DMD: variants seen among roughly 807,000 people sequenced by gnomAD.
DMD encodes dystrophin.
In DMD, 63 loss-of-function variants were observed where a neutral mutation model predicts 330.1. The ratio of observed to expected loss-of-function variants is 0.19; its 90% CI spans 0.16 to 0.24. The LOEUF is 0.24. Among genes scored for constraint, DMD ranks in the 10% least tolerant of loss-of-function variants. DMD has a pLI of 1.00. For synonymous variants in DMD, 1,223 were observed against 959.8 expected (o/e 1.27, Z -5.07); for missense variants, 3,344 against 2,684.1 (o/e 1.25, Z -5.43).
chrX:32,847,386 A>G (rs1407454827), intron 3 of DMD, among the ~76,000 whole-genome samples: 9 of 112,086 alleles, frequency 8.0e-5, no homozygotes, highest in Non-Finnish European at 3.8e-5. Flanking sequence ...TTGTAAGGCA[A>G]GTACCTTCCT....
chrX:31,199,500 G>A (rs756825347), intron 67 of DMD, among the ~76,000 whole-genome samples: 36 of 112,275 alleles, frequency 3.2e-4, no homozygotes, highest in African/African-American at 1.1e-3. Context: ...AAGACCTATA[G>A]TGATTTTTAA....
At chrX:31,311,850 T>G (rs1048314777) in intron 62 of DMD, among the ~76,000 whole-genome samples, 3 of 111,360 alleles carry the variant, frequency 2.7e-5, no homozygotes, top group Non-Finnish European at 5.7e-5. Context: ...AAACAAGCAA[T>G]GGGGAAAGGA....
chrX:31,478,128 T>G lies in DMD; in HGVS notation c.8915A>C (p.Gln2972Pro). 1.7e-6 allele frequency: 2 copies of G among 1,210,956 alleles called. No individual in the cohort carries two copies. The highest frequency in any genetic ancestry group is 1.7e-5 in the African/African-American group (1 of 57,787). ...PVGDLLIDSL[Q>P]DHLEKVKALR... ...TACCTTGACTTTCTCGAGGTGATCT[T>G]GGAGAGAGTCAATGAGGAGATCGCC... Residue 2972 changes from glutamine to proline, a missense_variant, in exon 59 of 79, where the codon CAA (glutamine) becomes CCA (proline). Transcript: ENST00000357033.
chrX:32,969,027 C>CAAAAAAAAA (rs142087164), intron 2 of DMD, among the ~76,000 whole-genome samples: 14 of 19,821 alleles, frequency 7.1e-4, no homozygotes, highest in East Asian at 2.1e-3. Flanking sequence ...GATTCTGTCT[C>CAAAAAAAAA]AAAAAAAAAA....
chrX:31,178,191 G>A (rs2040747928), intron 70 of DMD: 1 of 752,130 alleles, frequency 1.3e-6, no homozygotes, highest in East Asian at 1.5e-4. Context: ...AAGAGGTGAA[G>A]ACGTCCCCTT....
intron 44 of DMD, among the ~76,000 whole-genome samples, chrX:32,203,327 A>G (rs1265452321): frequency 1.8e-5 from 2 of 112,551 alleles, no homozygotes; most frequent in Non-Finnish European, 3.8e-5. Context: ...CCCTCACATA[A>G]AGGCAGGCAT....
At chrX:32,092,439 AT>A (rs1336376487) in intron 44 of DMD, among the ~76,000 whole-genome samples, 3 of 111,905 alleles carry the variant, frequency 2.7e-5, no homozygotes, top group Non-Finnish European at 5.6e-5. Context: ...AGTAGATGGA[AT>A]TTTTATTTGA....
chrX:33,240,017 C>A (rs2052561531), intron 1 of DMD, among the ~76,000 whole-genome samples: 2 of 110,892 alleles, frequency 1.8e-5, no homozygotes, highest in Admixed American at 9.6e-5. Context: ...GGGTCCCATG[C>A]CCAAGATACC....
chrX:33,101,662 A>G, intron 1 of DMD, among the ~76,000 whole-genome samples: 1 of 112,363 alleles, frequency 8.9e-6, no homozygotes, highest in Non-Finnish European at 1.9e-5. Context: ...AGAAAAAAAA[A>G]GAAAGAAAAA....
At chrX:32,122,132 G>A (rs1465536411) in intron 44 of DMD, among the ~76,000 whole-genome samples, 1 of 111,383 alleles carries the variant, frequency 9.0e-6, no homozygotes, top group Non-Finnish European at 1.9e-5. Context: ...AGCTGCAGAA[G>A]GGGGCTTTCT....
intron 29 of DMD, among the ~76,000 whole-genome samples, chrX:32,435,746 C>T (rs2098258690): frequency 9.0e-6 from 1 of 111,039 alleles, no homozygotes; most frequent in Non-Finnish European, 1.9e-5. Flanking sequence ...CTGGGCTGGC[C>T]TATGGAATGC....
intron 11 of DMD, among the ~76,000 whole-genome samples, chrX:32,640,595 A>G (rs1359163223): frequency 9.0e-6 from 1 of 111,490 alleles, no homozygotes; most frequent in Non-Finnish European, 1.9e-5. Context: ...TCCAAAGGAA[A>G]AAGCACTTTT....
chrX:33,133,975 A>C (rs58227322), intron 1 of DMD, among the ~76,000 whole-genome samples: 497 of 112,258 alleles, frequency 4.4e-3, no homozygotes, highest in African/African-American at 0.015. Context: ...AACAGAATGA[A>C]AATCTATCTG....
chrX:32,750,012 T>C (rs1397709095), intron 7 of DMD, among the ~76,000 whole-genome samples: 3 of 112,170 alleles, frequency 2.7e-5, no homozygotes, highest in South Asian at 7.4e-4. Flanking sequence ...CCATTTCCAT[T>C]GGATGAAAAA....
intron 50 of DMD, among the ~76,000 whole-genome samples, chrX:31,793,002 C>T (rs936126296): frequency 8.1e-5 from 9 of 110,829 alleles, no homozygotes; most frequent in African/African-American, 3.0e-4. Flanking sequence ...GATTGTACTG[C>T]CGATGAAAGT....
At chrX:32,201,118 C>T (rs1239242153) in intron 44 of DMD, among the ~76,000 whole-genome samples, 1 of 111,773 alleles carries the variant, frequency 8.9e-6, no homozygotes, top group East Asian at 2.8e-4. Flanking sequence ...ATGTCTGAAA[C>T]TGCAGATAGT....
chrX:31,364,040 A>C (rs137966016), intron 60 of DMD, among the ~76,000 whole-genome samples: 107 of 112,687 alleles, frequency 9.5e-4, no homozygotes, highest in African/African-American at 3.4e-3. Flanking sequence ...TTATATACAG[A>C]CTATTGTCAG....
intron 1 of DMD, among the ~76,000 whole-genome samples, chrX:33,089,866 C>T (rs1052878259): frequency 9.0e-6 from 1 of 111,372 alleles, no homozygotes; most frequent in Non-Finnish European, 1.9e-5. Context: ...AGGACTTACT[C>T]AAGTTTAAAT....
chrX:31,925,927 C>T (rs758745266), intron 47 of DMD, among the ~76,000 whole-genome samples: 1,375 of 109,033 alleles, frequency 0.013, 8 homozygotes, highest in Non-Finnish European at 0.02. Flanking sequence ...AAATAAATTC[C>T]TATAATATAC....
Sources: gnomAD v4.1 joint callset for allele counts (sites outside exome capture counted in the v4.1 genomes callset) on GRCh38, gnomAD v4.1.1 for gene constraint, MANE v1.5 for transcripts, NCBI Gene and HGNC (gene_info 2026-07-23, HGNC 2026-07-21) for gene names.